EGFR: variants seen among roughly 807,000 people sequenced by gnomAD.
EGFR encodes avian erythroblastic leukemia viral (v-erb-b) oncogene homolog.
In EGFR, 58 loss-of-function variants were observed where a neutral mutation model predicts 143.0. The observed-to-expected ratio is 0.41, with a 90% confidence interval of 0.33 to 0.50. The LOEUF (loss-of-function observed/expected upper bound fraction) is 0.50, where lower values mean the gene tolerates loss of function less well. Ranked by LOEUF, EGFR falls within the 20% of genes least tolerant of loss-of-function variation. EGFR has a pLI of 0.39. For synonymous variants in EGFR, 613 were observed against 594.4 expected, an observed-to-expected ratio of 1.03 and a Z score of -0.45; for missense variants, 1,307 against 1,579.0, an observed-to-expected ratio of 0.83 and a Z score of 2.92.
chr7:55,162,094 C>T (rs1785736468), intron 13 of EGFR, among the ~76,000 whole-genome samples: 1 of 152,180 alleles, frequency 6.6e-6, no homozygotes, highest in Non-Finnish European at 1.5e-5. Flanking sequence ...TCAAACAGTA[C>T]CAGGGACTTT....
chr7:55,120,229 C>G (rs1793118416), intron 1 of EGFR, among the ~76,000 whole-genome samples: 2 of 152,200 alleles, frequency 1.3e-5, no homozygotes, highest in African/African-American at 4.8e-5. Context: ...ACAGCCTGCT[C>G]TCCAGTGTTG....
intron 4 of EGFR, among the ~76,000 whole-genome samples, chr7:55,147,665 A>T (rs1198839777): frequency 1.3e-5 from 2 of 152,246 alleles, no homozygotes; most frequent in Non-Finnish European, 2.9e-5. Flanking sequence ...GTAAGTTACA[A>T]TGTCAGTGGC....
chr7:55,042,299 T>C (rs1310661576), intron 1 of EGFR, among the ~76,000 whole-genome samples: 1 of 152,188 alleles, frequency 6.6e-6, no homozygotes, highest in African/African-American at 2.4e-5. Flanking sequence ...AAAAGTCAAA[T>C]AACTGGTGGT....
intron 1 of EGFR, among the ~76,000 whole-genome samples, chr7:55,020,377 A>C (rs1043648374): frequency 2.0e-5 from 3 of 152,116 alleles, no homozygotes; most frequent in African/African-American, 4.8e-5. Flanking sequence ...CGGCCACTGC[A>C]GGGGGGGATC....
intron 7 of EGFR, among the ~76,000 whole-genome samples, chr7:55,155,573 C>T (rs553856366): frequency 6.6e-6 from 1 of 152,360 alleles, no homozygotes; most frequent in African/African-American, 2.4e-5. Context: ...CGCAAAACAG[C>T]TGGCCCCTCA....
chr7:55,084,748 A>G (rs182443623), intron 1 of EGFR, among the ~76,000 whole-genome samples: 7 of 152,344 alleles, frequency 4.6e-5, no homozygotes, highest in Non-Finnish European at 1.0e-4. Flanking sequence ...GAAAACTAAG[A>G]GGAGTTATAA....
chr7:55,197,654 A>T (rs1363860984), intron 22 of EGFR, among the ~76,000 whole-genome samples: 1 of 152,196 alleles, frequency 6.6e-6, no homozygotes, highest in Non-Finnish European at 1.5e-5. Context: ...TTTGCCATAG[A>T]TGGCTAATAT....
chr7:55,118,549 AAACACGTGTC>A (rs1793011374), intron 1 of EGFR, among the ~76,000 whole-genome samples: 1 of 152,178 alleles, frequency 6.6e-6, no homozygotes, highest in African/African-American at 2.4e-5. Context: ...GTCATTCAAC[AAACACGTGTC>A]AACTGTCCAC....
chr7:55,122,844 C>T (rs910771345), intron 1 of EGFR, among the ~76,000 whole-genome samples: 20 of 152,256 alleles, frequency 1.3e-4, no homozygotes, highest in African/African-American at 4.8e-4. Context: ...GCATCTGTCA[C>T]AATGTGGGGT....
At position 55,143,314 on chromosome 7, in the gene EGFR, G is replaced by C. The variant is rs753319070; in HGVS notation, c.250G>C (p.Glu84Gln). 8 of 1,614,194 alleles carry C rather than the reference G, an allele frequency of 5.0e-6. No individual in the cohort carries two copies. The highest frequency in any genetic ancestry group is 6.8e-6 in the Non-Finnish European group (8 of 1,180,032). The change falls in exon 3 of 28, where the codon GAG (glutamate) becomes CAG (glutamine). Residue 84 changes from glutamate (E) to glutamine (Q), a missense_variant. Glu to Gln is a conservative substitution (Grantham distance 29). Transcript: ENST00000275493. ...YDLSFLKTIQ[E>Q]VAGYVLIALN... Reference sequence around the variant, plus strand: ...TGTTTTCTCTTCTTAGACCATCCAGGAGGTGGCTGGTTATGTCCTCATTGC... The same window carrying C: ...TGTTTTCTCTTCTTAGACCATCCAGCAGGTGGCTGGTTATGTCCTCATTGC...
chr7:55,206,776 C>T lies in EGFR; in HGVS notation c.*1159C>T, dbSNP rs1024171927. 4 of 233,268 alleles carry T rather than the reference C, an allele frequency of 1.7e-5. No individual in the cohort carries two copies. Among genetic ancestry groups the T allele is most frequent in the African/African-American group, 8.8e-5 (4 of 45,328 alleles). 14.4% of individuals were successfully genotyped at this position (233,268 alleles called of 1,614,324 possible). A position where few individuals can be genotyped will look rare whatever the true frequency, so the allele number is the denominator to read the frequency against. ...TCCAGGTCAGCTGCCCCCAAACCCC[C>T]TCCTTACGCTTTGTCACACAAAAAG... On this transcript the variant is annotated 3_prime_UTR_variant, in exon 28 of 28. Coordinates refer to ENST00000275493, the MANE Select transcript of EGFR (RefSeq NM_005228.5).
intron 27 of EGFR, among the ~76,000 whole-genome samples, chr7:55,203,917 A>G: frequency 6.6e-6 from 1 of 151,260 alleles, no homozygotes; most frequent in South Asian, 2.1e-4. Context: ...TATCTATGTC[A>G]TATATATCAA....
rs1162590505 is a variant in EGFR, at chr7:55,201,867, T to C, written c.3162+85T>C. On this transcript the variant is annotated intron_variant, in intron 26 of 27. Coordinates refer to ENST00000275493, the MANE Select transcript of EGFR (RefSeq NM_005228.5). ...ATGGAAAATGCCTTAACCTAAATAA[T>C]TTTAACCCAGATAATCTTGAGTTTT... 2.0e-6 allele frequency: 3 copies of C among 1,495,870 alleles called. No homozygotes were observed. In the East Asian group the frequency reaches 6.8e-5, roughly 34 times the overall value. 92.7% of individuals were successfully genotyped at this position (1,495,870 alleles called of 1,614,324 possible).
chr7:55,019,017 A>C lies in EGFR; in HGVS notation c.-261A>C. On this transcript the variant is annotated 5_prime_UTR_variant, in exon 1 of 28. Transcript: ENST00000275493. ...CCCCGCGCCTCGGCCCGCGCGAGCT[A>C]GACGTCCGGGCAGCCCCCGGCGCAG... The C allele has an allele frequency of 9.7e-6, 2 of 206,930 alleles. No homozygotes were observed. The highest frequency in any genetic ancestry group is 9.5e-6 in the Non-Finnish European group (1 of 105,350). 12.8% of individuals were successfully genotyped at this position (206,930 alleles called of 1,614,324 possible).
At chr7:55,025,629 T>C (rs1351914051) in intron 1 of EGFR, among the ~76,000 whole-genome samples, 1 of 152,118 alleles carries the variant, frequency 6.6e-6, no homozygotes, top group Non-Finnish European at 1.5e-5. Flanking sequence ...GTGGCTTGAG[T>C]TGTCATTTGC....
intron 3 of EGFR, 81 bp downstream of exon 3, chr7:55,143,569 A>G (rs926845642): frequency 2.2e-5 from 34 of 1,511,826 alleles, no homozygotes; most frequent in South Asian, 1.6e-4. Context: ...TTGTCACTCA[A>G]TTCCACCTCG....
chr7:55,083,218 G>A (rs1022205545), intron 1 of EGFR, among the ~76,000 whole-genome samples: 2 of 152,218 alleles, frequency 1.3e-5, no homozygotes, highest in Non-Finnish European at 2.9e-5. Flanking sequence ...TTATGCACTC[G>A]TTCTTGGAGA....
At chr7:55,071,388 T>C (rs1789818623) in intron 1 of EGFR, among the ~76,000 whole-genome samples, 1 of 152,268 alleles carries the variant, frequency 6.6e-6, no homozygotes, top group African/African-American at 2.4e-5. Flanking sequence ...TAAAATTGTA[T>C]TTTGCCTATT....
At chr7:55,040,095 A>C (rs1047400496) in intron 1 of EGFR, among the ~76,000 whole-genome samples, 1 of 152,202 alleles carries the variant, frequency 6.6e-6, no homozygotes, top group Non-Finnish European at 1.5e-5. Flanking sequence ...AGGATCAGAC[A>C]GTTGAGTCTT....
Sources: gnomAD v4.1 joint callset for allele counts (sites outside exome capture counted in the v4.1 genomes callset) on GRCh38, gnomAD v4.1.1 for gene constraint, MANE v1.5 for transcripts, NCBI Gene and HGNC (gene_info 2026-07-23, HGNC 2026-07-21) for gene names.